Variants in SOX6 observed in about 807,000 individuals in gnomAD.
SOX6 encodes the protein transcription factor SOX-6.
In SOX6, 11 loss-of-function variants were observed where a neutral mutation model predicts 97.8. That is an observed-to-expected ratio of 0.11 (90% CI 0.07 to 0.19). The LOEUF is 0.19. Ranked by LOEUF, SOX6 falls within the 10% of genes least tolerant of loss-of-function variation. The pLI is 1.00. For synonymous variants in SOX6, 360 were observed against 371.4 expected, an observed-to-expected ratio of 0.97 and a Z score of 0.35; for missense variants, 810 against 1,039.5, an observed-to-expected ratio of 0.78 and a Z score of 3.04.
Position 16,484,342 on chromosome 11 carries a change from AATAAGGTAAGG to A in SOX6, n.610-7965_610-7955del, listed in dbSNP as rs369824778. The A allele has an allele frequency of 2.4e-3, 2,056 of 853,730 alleles. 23 individuals carry two copies. In the African/African-American group the frequency reaches 0.025, roughly 10 times the overall value. The allele number at this position is 853,730 out of a possible 1,614,324, so 52.9% of individuals were successfully genotyped here. A position where few individuals can be genotyped will look rare whatever the true frequency, so the allele number is the denominator to read the frequency against. Reference sequence around the variant, plus strand: ...CAGGCTTAAAGCCAGTTGGCCAGTGAATAAGGTAAGGATCCAGGTAGTCCAGCTTCATGTCA... The same window carrying A: ...CAGGCTTAAAGCCAGTTGGCCAGTGAATCCAGGTAGTCCAGCTTCATGTCA... On this transcript the variant is annotated intron_variant and non_coding_transcript_variant, in intron 4 of 5. Transcript: ENST00000524520.
At chr11:16,101,569 CA>C (rs1848947460) in intron 7 of SOX6, among the ~76,000 whole-genome samples, 1 of 151,570 alleles carries the variant, frequency 6.6e-6, no homozygotes, top group Non-Finnish European at 1.5e-5. Flanking sequence ...CAGCTGCATC[CA>C]AACCCTTGAC....
chr11:16,514,768 T>C (rs1432478077), intron 4 of SOX6, among the ~76,000 whole-genome samples: 3 of 146,544 alleles, frequency 2.0e-5, no homozygotes, highest in Non-Finnish European at 4.5e-5. Context: ...CATTGTTCAA[T>C]TGCCACCTAT....
chr11:16,220,899 G>A (rs149192859), intron 4 of SOX6, among the ~76,000 whole-genome samples: 140 of 152,068 alleles, frequency 9.2e-4, no homozygotes, highest in Non-Finnish European at 1.6e-3. Flanking sequence ...TGTCACAGGC[G>A]CAGATCCAGG....
chr11:16,598,461 A>C (rs1291336248), intron 4 of SOX6, among the ~76,000 whole-genome samples: 1 of 152,190 alleles, frequency 6.6e-6, no homozygotes, highest in Non-Finnish European at 1.5e-5. Flanking sequence ...ACCACACCTA[A>C]GTTTCTCCAC....
chr11:16,650,564 A>AT (rs60582975), intron 3 of SOX6, among the ~76,000 whole-genome samples: 149,057 of 152,208 alleles, frequency 0.98, 73,072 homozygotes, highest in East Asian at 1. Context: ...CAATTTAAAA[A>AT]TCTTTGAGCT....
chr11:16,090,882 T>A (rs568498432), intron 9 of SOX6, among the ~76,000 whole-genome samples: 1 of 152,232 alleles, frequency 6.6e-6, no homozygotes, highest in African/African-American at 2.4e-5. Context: ...TGAAAAGTTT[T>A]ACCTATTCTG....
At chr11:16,659,080 C>T (rs1847746952) in intron 3 of SOX6, among the ~76,000 whole-genome samples, 1 of 152,134 alleles carries the variant, frequency 6.6e-6, no homozygotes, top group Non-Finnish European at 1.5e-5. Flanking sequence ...ATGGACTCTG[C>T]TTTTTGGTGC....
At chr11:16,375,066 A>C (rs1857607897) in intron 1 of SOX6, among the ~76,000 whole-genome samples, 1 of 152,012 alleles carries the variant, frequency 6.6e-6, no homozygotes, top group Non-Finnish European at 1.5e-5. Flanking sequence ...CATCTAACAA[A>C]AAAAAATTAC....
intron 4 of SOX6, among the ~76,000 whole-genome samples, chr11:16,571,521 C>T (rs549654014): frequency 6.6e-6 from 1 of 152,134 alleles, no homozygotes; most frequent in Non-Finnish European, 1.5e-5. Flanking sequence ...ACCTGGAACT[C>T]CTGGGCTCAA....
At chr11:16,441,685 T>C (rs965670155) in intron 1 of SOX6, among the ~76,000 whole-genome samples, 1 of 152,154 alleles carries the variant, frequency 6.6e-6, no homozygotes, top group Non-Finnish European at 1.5e-5. Context: ...CTATTTAAAA[T>C]GACTAAAACA....
At chr11:16,042,317 T>C (rs1259480543) in intron 12 of SOX6, among the ~76,000 whole-genome samples, 1 of 152,130 alleles carries the variant, frequency 6.6e-6, no homozygotes, top group Non-Finnish European at 1.5e-5. Context: ...AATCCTCTAT[T>C]TCCTGACTGG....
At chr11:16,142,860 C>G (rs532830339) in intron 6 of SOX6, among the ~76,000 whole-genome samples, 1 of 151,804 alleles carries the variant, frequency 6.6e-6, no homozygotes, top group South Asian at 2.1e-4. Flanking sequence ...GTGAAAAGAG[C>G]AAATCTACGT....
intron 4 of SOX6, among the ~76,000 whole-genome samples, chr11:16,520,881 A>C (rs1861047574): frequency 6.6e-6 from 1 of 152,206 alleles, no homozygotes; most frequent in Non-Finnish European, 1.5e-5. Context: ...GATTGCTAGC[A>C]CAGCAGTGTG....
chr11:16,501,284 C>T (rs1209125586), intron 4 of SOX6, among the ~76,000 whole-genome samples: 1 of 152,162 alleles, frequency 6.6e-6, no homozygotes, highest in East Asian at 1.9e-4. Context: ...TGGATCCCTT[C>T]CTTACACCTT....
intron 7 of SOX6, among the ~76,000 whole-genome samples, chr11:16,100,015 G>T (rs1004839967): frequency 2.6e-5 from 4 of 151,724 alleles, no homozygotes; most frequent in African/African-American, 9.7e-5. Flanking sequence ...CAAGGCAGGA[G>T]GGGTAGAAGA....
intron 4 of SOX6, among the ~76,000 whole-genome samples, chr11:16,483,056 G>A (rs900277447): frequency 5.3e-5 from 8 of 152,096 alleles, no homozygotes; most frequent in African/African-American, 9.7e-5. Flanking sequence ...TTCCCATTAC[G>A]ATGAAAATAG....
chr11:16,102,474 ATGT>A (rs1480048727), intron 7 of SOX6, among the ~76,000 whole-genome samples: 1 of 151,938 alleles, frequency 6.6e-6, no homozygotes, highest in African/African-American at 2.4e-5. Context: ...TACAAATTCA[ATGT>A]GATTCCCATA....
intron 1 of SOX6, among the ~76,000 whole-genome samples, chr11:16,398,453 G>A (rs904436612): frequency 1.3e-5 from 2 of 151,448 alleles, no homozygotes; most frequent in Non-Finnish European, 3.0e-5. Flanking sequence ...GTGGGGCAGA[G>A]TAGTAAGGGT....
chr11:16,142,017 G>C (rs1041160295), intron 6 of SOX6, among the ~76,000 whole-genome samples: 1 of 152,148 alleles, frequency 6.6e-6, no homozygotes, highest in Non-Finnish European at 1.5e-5. Flanking sequence ...GGTTCTCCCA[G>C]CATGGAGTTT....
Sources: gnomAD v4.1 joint callset for allele counts (sites outside exome capture counted in the v4.1 genomes callset) on GRCh38, gnomAD v4.1.1 for gene constraint, MANE v1.5 for transcripts, NCBI Gene and HGNC (gene_info 2026-07-23, HGNC 2026-07-21) for gene names.